The following CD3E variants were observed in gnomAD, a reference collection of about 807,000 sequenced individuals.
CD3E encodes CD3 epsilon subunit of T-cell receptor complex.
Under a neutral mutation model 34.7 loss-of-function variants are expected in CD3E, and 16 were observed. The ratio of observed to expected loss-of-function variants is 0.46; its 90% CI spans 0.31 to 0.70. The LOEUF (loss-of-function observed/expected upper bound fraction) is 0.70, where lower values mean the gene tolerates loss of function less well. CD3E is among the 30% of genes least tolerant of loss of function. The pLI is 0.05. For missense variants in CD3E, 223 were observed against 253.9 expected (o/e 0.88, Z 0.83); for synonymous variants, 70 against 90.8 (o/e 0.77, Z 1.30).
Position 118,305,068 on chromosome 11 carries a change from G to T in CD3E, c.49+67G>T, listed in dbSNP as rs1389491036. 8 of 1,371,858 alleles carry T rather than the reference G, an allele frequency of 5.8e-6. No homozygotes were observed. In the East Asian group the frequency reaches 9.1e-5, roughly 16 times the overall value. The allele number at this position is 1,371,858 out of a possible 1,614,324, so 85.0% of individuals were successfully genotyped here. A position where few individuals can be genotyped will look rare whatever the true frequency, so the allele number is the denominator to read the frequency against. On this transcript the variant is annotated intron_variant, in intron 2 of 8. Coordinates refer to ENST00000361763, the MANE Select transcript of CD3E (RefSeq NM_000733.4). ...GCTGGAAGGCTTACAGCCTTACCTG[G>T]CACTGCCTAGTGGCACCAAGGAGCC...
At chr11:118,314,624 C>T in intron 8 of CD3E, 130 bp downstream of exon 8, 2 of 777,790 alleles carry the variant, frequency 2.6e-6, no homozygotes, top group Non-Finnish European at 4.4e-6. Context: ...CCATTACAAC[C>T]CTCTATGTGC....
chr11:118,306,775 T>G (rs1033139127), intron 2 of CD3E, among the ~76,000 whole-genome samples: 2 of 152,150 alleles, frequency 1.3e-5, no homozygotes, highest in African/African-American at 2.4e-5. Context: ...GGCTCTTCAA[T>G]GCACAGGCCC....
intron 2 of CD3E, among the ~76,000 whole-genome samples, chr11:118,307,032 G>A (rs1223794126): frequency 6.6e-6 from 1 of 152,090 alleles, no homozygotes; most frequent in Non-Finnish European, 1.5e-5. Context: ...ACTCCTGCTT[G>A]TCAAAAATTG....
intron 4 of CD3E, among the ~76,000 whole-genome samples, chr11:118,311,660 G>A (rs1482279837): frequency 3.3e-5 from 5 of 152,192 alleles, no homozygotes; most frequent in African/African-American, 9.7e-5. Context: ...GTAAGTCCAC[G>A]AATCAGTGAT....
At position 118,313,884 on chromosome 11, in the gene CD3E, T is replaced by A; in HGVS notation, c.520+10T>A. The A allele has an allele frequency of 6.2e-7, 1 of 1,612,324 alleles. No homozygotes were observed. Among genetic ancestry groups the A allele is most frequent in the Non-Finnish European group, 8.5e-7 (1 of 1,179,866 alleles). ...GGCGGCAGGCAAAGGGGTAAGGCTG[T>A]GGAGTCCAGTCAGAGGAGATTCCTG... On this transcript the variant is annotated intron_variant, in intron 7 of 8. Transcript: ENST00000361763.
At chr11:118,314,559 G>A in intron 8 of CD3E, 65 bp downstream of exon 8, 1 of 1,461,806 alleles carries the variant, frequency 6.8e-7, no homozygotes, top group East Asian at 2.3e-5. Flanking sequence ...GAAGGAAACA[G>A]ATGGGATGGC....
chr11:118,314,980 C>T lies in CD3E; in HGVS notation c.567+486C>T, dbSNP rs868676084. On this transcript the variant is annotated intron_variant, in intron 8 of 8. Coordinates refer to ENST00000361763, the MANE Select transcript of CD3E (RefSeq NM_000733.4). ...ACACATACACACACACACACACACA[C>T]ACACACACACACACACACACGTGAC... 8.3e-3 allele frequency among the ~76,000 whole-genome samples: 1,264 copies of T among 151,500 alleles called. 8 individuals are homozygous for T. The highest frequency in any genetic ancestry group is 0.015 in the South Asian group (71 of 4,776).
At position 118,304,984 on chromosome 11, in the gene CD3E, G is replaced by T; in HGVS notation, c.32G>T (p.Gly11Val). ...TCGGGCACTCACTGGAGAGTTCTGG[G>T]CCTCTGCCTCTTATCAGGTGAGTAG... MQSGTHWRVL[G>V]LCLLSVGVWG... Residue 11 changes from glycine (G) to valine (V), a missense_variant, in exon 2 of 9, where the codon GGC becomes GTC. Gly to Val is a moderately radical substitution (Grantham distance 109). Coordinates refer to ENST00000361763, the MANE Select transcript of CD3E (RefSeq NM_000733.4). 1 of 1,614,008 alleles carries T rather than the reference G, an allele frequency of 6.2e-7. No homozygotes were observed. Among genetic ancestry groups the T allele is most frequent in the South Asian group, 1.1e-5 (1 of 91,078 alleles).
rs1948146089 is a variant in CD3E at position 118,313,202 on chromosome 11, T to G, written c.352+336T>G. 1.0e-5 allele frequency: 4 copies of G among 388,078 alleles called. 1 individual carries two copies. Among genetic ancestry groups the G allele is most frequent in the South Asian group, 1.0e-4 (4 of 39,974 alleles). The allele number at this position is 388,078 out of a possible 1,614,324, so 24.0% of individuals were successfully genotyped here. On this transcript the variant is annotated intron_variant, in intron 6 of 8. Coordinates refer to ENST00000361763, the MANE Select transcript of CD3E (RefSeq NM_000733.4). ...CTAATGCTTCCTCCAGAGATAAATT[T>G]TTCAGAAAGGTTTGCAAAAAACACT... is the stretch of plus-strand genomic sequence containing the variant.
chr11:118,306,425 G>A (rs1948106513), intron 2 of CD3E, among the ~76,000 whole-genome samples: 1 of 151,896 alleles, frequency 6.6e-6, no homozygotes, highest in African/African-American at 2.4e-5. Flanking sequence ...AGCCCAGGAG[G>A]TCGAGGCTGC....
At chr11:118,308,405 C>G (rs201307774) in intron 3 of CD3E, 22 bp from the exon 4 acceptor site, 2 of 1,586,084 alleles carry the variant, frequency 1.3e-6, no homozygotes, top group African/African-American at 2.7e-5. Context: ...TTACTAATGG[C>G]TTCTTACTGT....
chr11:118,312,313 C>T, intron 5 of CD3E, 143 bp downstream of exon 5: 1 of 870,114 alleles, frequency 1.1e-6, no homozygotes, highest in Admixed American at 1.8e-5. Flanking sequence ...AGAAAGGTTC[C>T]AAATAGGGAC....
intron 4 of CD3E, among the ~76,000 whole-genome samples, chr11:118,310,286 C>T (rs1948128762): frequency 6.6e-6 from 1 of 152,196 alleles, no homozygotes; most frequent in Admixed American, 6.5e-5. Context: ...CCACCCTCCA[C>T]CTTCTGAGAG....
chr11:118,307,663 G>A (rs891919619), intron 3 of CD3E, among the ~76,000 whole-genome samples: 4 of 152,200 alleles, frequency 2.6e-5, no homozygotes, highest in African/African-American at 7.2e-5. Context: ...ATAAGCTGCT[G>A]GGGCAACATT....
intron 6 of CD3E, 99 bp from the exon 7 acceptor site, chr11:118,313,608 G>T: frequency 8.9e-7 from 1 of 1,119,726 alleles, no homozygotes; most frequent in South Asian, 1.3e-5. Flanking sequence ...CGTGTGAGTA[G>T]TAAGGGGAGA....
chr11:118,314,186 C>G (rs371142140), intron 7 of CD3E, among the ~76,000 whole-genome samples: 1 of 152,178 alleles, frequency 6.6e-6, no homozygotes, highest in African/African-American at 2.4e-5. Context: ...TTAGCTCCTG[C>G]CTTTTCCTTT....
At position 118,304,942 on chromosome 11, in the gene CD3E, A is replaced by C. The variant is rs1426831847; in HGVS notation, c.-11A>C. On this transcript the variant is annotated 5_prime_UTR_variant, in exon 2 of 9. The change abolishes an upstream ATG in the 5' untranslated region. Transcript: ENST00000361763. ...GCCATCTTAGTAAAGTAACAGTCCCATGAAACAAAGATGCAGTCGGGCACT... is the reference window on the plus strand; with the variant it reads ...GCCATCTTAGTAAAGTAACAGTCCCCTGAAACAAAGATGCAGTCGGGCACT... The C allele has an allele frequency of 6.2e-7, 1 of 1,613,914 alleles. No individual in the cohort carries two copies. The highest frequency in any genetic ancestry group is 1.1e-5 in the South Asian group (1 of 91,072).
At chr11:118,305,266 A>C (rs1948099479) in intron 2 of CD3E, among the ~76,000 whole-genome samples, 1 of 152,242 alleles carries the variant, frequency 6.6e-6, no homozygotes, top group East Asian at 1.9e-4. Flanking sequence ...GCTACCTCTA[A>C]GTACGAGCTC....
intron 4 of CD3E, among the ~76,000 whole-genome samples, chr11:118,309,293 G>A (rs998255340): frequency 1.3e-4 from 20 of 152,110 alleles, no homozygotes; most frequent in African/African-American, 4.8e-4. Context: ...GGCAGTAGGA[G>A]GGCCGGGCAT....
Sources: allele counts gnomAD v4.1 joint callset (sites outside exome capture counted in the v4.1 genomes callset), GRCh38; gene constraint gnomAD v4.1.1; transcripts MANE v1.5; gene names NCBI Gene and HGNC (gene_info 2026-07-23, HGNC 2026-07-21).